USP44: variants seen among roughly 807,000 people sequenced by gnomAD.
The protein encoded by USP44 is ubiquitin carboxyl-terminal hydrolase 44.
USP44 carries 61 observed loss-of-function variants against 69.0 expected under a neutral mutation model. That is an observed-to-expected ratio of 0.88 (90% CI 0.72 to 1.09). The LOEUF is 1.09. Among genes scored for constraint, USP44 ranks in the 50% least tolerant of loss-of-function variants. The pLI is 0.00. For synonymous variants in USP44, 297 were observed against 295.4 expected, an observed-to-expected ratio of 1.01 and a Z score of -0.06; for missense variants, 753 against 849.9, an observed-to-expected ratio of 0.89 and a Z score of 1.42.
intron 1 of USP44, among the ~76,000 whole-genome samples, chr12:95,541,546 C>G (rs2077390582): frequency 6.6e-6 from 1 of 152,066 alleles, no homozygotes; most frequent in African/African-American, 2.4e-5. Flanking sequence ...TGCCACTGTA[C>G]TGCAGCCTCA....
At position 95,534,388 on chromosome 12, in the gene USP44, A is replaced by C; in HGVS notation, c.-70-62T>G. 8 of 878,892 alleles carry C rather than the reference A, an allele frequency of 9.1e-6. No individual in the cohort carries two copies. The South Asian group carries it at 1.3e-4, about 15-fold the overall frequency. The allele number at this position is 878,892 out of a possible 1,614,324, so 54.4% of individuals were successfully genotyped here. ...CTAATATTTTTCATATTTTTTCCCA[A>C]GAATAATAAAGATTTGTGTCCTCTG... is the stretch of plus-strand genomic sequence containing the variant. On this transcript the variant is annotated intron_variant, in intron 1 of 5. Transcript: ENST00000258499.
At chr12:95,543,406 C>CAAAAAAAAAAAAAAAAAAAAAAAAAA (rs60127958) in intron 1 of USP44, among the ~76,000 whole-genome samples, 1 of 43,164 alleles carries the variant, frequency 2.3e-5, no homozygotes, top group East Asian at 6.5e-4. Flanking sequence ...GACTCTTTCT[C>CAAAAAAAAAAAAAAAAAAAAAAAAAA]AAAAAAAAAA....
At chr12:95,519,538 C>T (rs1245399618) in intron 5 of USP44, among the ~76,000 whole-genome samples, 1 of 144,520 alleles carries the variant, frequency 6.9e-6, no homozygotes, top group African/African-American at 2.5e-5. Flanking sequence ...CTCCCGGGTT[C>T]ACGCCATTCT....
At chr12:95,542,522 T>C (rs2077422360) in intron 1 of USP44, among the ~76,000 whole-genome samples, 2 of 152,094 alleles carry the variant, frequency 1.3e-5, no homozygotes, top group African/African-American at 4.8e-5. Flanking sequence ...TCCCAGCACT[T>C]TGGGAGGCCA....
chr12:95,516,783 T>TAGAG lies in USP44; in HGVS notation c.*1367_*1370dup, dbSNP rs889393631. On this transcript the variant is annotated 3_prime_UTR_variant, in exon 6 of 6. Coordinates refer to ENST00000258499, the MANE Select transcript of USP44 (RefSeq NM_032147.5). The stretch of plus-strand genomic sequence containing the variant: ...GTGAAATTTAAGAAAAATTTATTGG[T>TAGAG]AGAGACCTCTTTCAAGTTTGTACTT... The TAGAG allele has an allele frequency of 2.0e-5, 3 of 152,168 alleles. No homozygotes were observed. Among genetic ancestry groups the TAGAG allele is most frequent in the Non-Finnish European group, 2.9e-5 (2 of 68,026 alleles). 9.4% of individuals were successfully genotyped at this position (152,168 alleles called of 1,614,324 possible).
intron 5 of USP44, 25 bp from the exon 6 acceptor site, chr12:95,518,378 T>G: frequency 6.2e-7 from 1 of 1,606,694 alleles, no homozygotes; most frequent in Non-Finnish European, 8.5e-7. Flanking sequence ...AGAAATACAT[T>G]TATGAAGGGA....
chr12:95,536,035 T>C (rs1447482005), intron 1 of USP44, among the ~76,000 whole-genome samples: 8,652 of 144,312 alleles, frequency 0.06, 338 homozygotes, highest in Non-Finnish European at 0.096. Flanking sequence ...TTTCCTTTTT[T>C]TTCCTTTTTT....
At chr12:95,527,681 C>T (rs1035948740) in intron 3 of USP44, among the ~76,000 whole-genome samples, 3 of 151,832 alleles carry the variant, frequency 2.0e-5, no homozygotes, top group Middle Eastern at 3.4e-3. Flanking sequence ...GATGGGGTTT[C>T]GCCATGTTGG....
intron 4 of USP44, among the ~76,000 whole-genome samples, chr12:95,523,746 A>C (rs2076742583): frequency 6.6e-6 from 1 of 152,014 alleles, no homozygotes; most frequent in Admixed American, 6.6e-5. Context: ...AGGTAACACT[A>C]TACTCAAAAT....
chr12:95,531,620 A>G (rs1181548447), intron 2 of USP44, among the ~76,000 whole-genome samples: 1 of 152,224 alleles, frequency 6.6e-6, no homozygotes, highest in Non-Finnish European at 1.5e-5. Context: ...TTGACACAAA[A>G]TCTTTGCATT....
At chr12:95,527,877 T>C (rs1355301595) in intron 3 of USP44, among the ~76,000 whole-genome samples, 1 of 144,306 alleles carries the variant, frequency 6.9e-6, no homozygotes, top group Non-Finnish European at 1.5e-5. Context: ...GTTTCACTCT[T>C]GCTCAGGCTG....
chr12:95,527,604 C>A (rs970154374), intron 3 of USP44, among the ~76,000 whole-genome samples: 2 of 151,802 alleles, frequency 1.3e-5, no homozygotes, highest in Non-Finnish European at 2.9e-5. Flanking sequence ...CCTGCCTCAG[C>A]CTCCCAAGTA....
chr12:95,550,030 T>C (rs1375082821), intron 1 of USP44, among the ~76,000 whole-genome samples: 3 of 151,838 alleles, frequency 2.0e-5, no homozygotes, highest in African/African-American at 7.3e-5. Flanking sequence ...AATACAAAAA[T>C]TATCCGGGCC....
chr12:95,548,872 CG>C lies in USP44; in HGVS notation c.-71+2399del, dbSNP rs1200545078. 2 of 152,042 alleles carry C rather than the reference CG, an allele frequency of 1.3e-5. No individual in the cohort carries two copies. The highest frequency in any genetic ancestry group is 4.8e-5 in the African/African-American group (2 of 41,410). The allele number at this position is 152,042 out of a possible 1,614,324, so 9.4% of individuals were successfully genotyped here. ...TGCGGCGGCTACGACAGCCGTGACG[CG>C]CAGCAGGCCCCGCCCCCTCCCACAG... On this transcript the variant is annotated intron_variant, in intron 1 of 5. Transcript: ENST00000258499. This position sits in a 1 kb window ranked among gnomAD's most constrained non-coding sequence, Gnocchi z 4.1.
rs544418185 is a variant in USP44, at chr12:95,526,388, C to T, written c.1625-1600G>A. 2.6e-3 allele frequency among the ~76,000 whole-genome samples: 403 copies of T among 152,158 alleles called. 4 individuals carry two copies. The highest frequency in any genetic ancestry group is 9.3e-3 in the African/African-American group (386 of 41,526). On this transcript the variant is annotated intron_variant, in intron 3 of 5. Coordinates refer to ENST00000258499, the MANE Select transcript of USP44 (RefSeq NM_032147.5). ...GAGATCGAGACCATCCTGGCTAACA[C>T]GGTGAAACCCTGTCTCTACTAAAAA...
chr12:95,521,935 T>G lies in USP44; in HGVS notation c.1734-733A>C, dbSNP rs116816697. 1,003 of 660,204 alleles carry G rather than the reference T, an allele frequency of 1.5e-3. 9 individuals carry two copies. The African/African-American group carries it at 0.019, about 12-fold the overall frequency. The allele number at this position is 660,204 out of a possible 1,614,324, so 40.9% of individuals were successfully genotyped here. ...TTTCCTCAGAACACTTCAGAGATTTTCAGACTAAAACAACAGGAACTGTGT... is the reference window on the plus strand; with the variant it reads ...TTTCCTCAGAACACTTCAGAGATTTGCAGACTAAAACAACAGGAACTGTGT... On this transcript the variant is annotated intron_variant, in intron 4 of 5. Coordinates refer to ENST00000258499, the MANE Select transcript of USP44 (RefSeq NM_032147.5).
rs1408167636 is a variant in USP44 at position 95,516,854 on chromosome 12, T to G, written c.*1300A>C. The G allele has an allele frequency of 2.0e-5, 3 of 152,182 alleles. No individual in the cohort carries two copies. Among genetic ancestry groups the G allele is most frequent in the Middle Eastern group, 3.4e-3 (1 of 294 alleles). 9.4% of individuals were successfully genotyped at this position (152,182 alleles called of 1,614,324 possible). Reference sequence around the variant, plus strand: ...GAACAGCATTCTACAGGATACTATCTTTCACTAAGACTTCAACCTGCAAAT... The same window carrying G: ...GAACAGCATTCTACAGGATACTATCGTTCACTAAGACTTCAACCTGCAAAT... On this transcript the variant is annotated 3_prime_UTR_variant, in exon 6 of 6. Transcript: ENST00000258499.
intron 1 of USP44, among the ~76,000 whole-genome samples, chr12:95,541,397 C>G (rs2077384986): frequency 6.6e-6 from 1 of 152,034 alleles, no homozygotes; most frequent in African/African-American, 2.4e-5. Flanking sequence ...TCAAGAGCAG[C>G]CTGCGCAACA....
At chr12:95,522,967 G>A (rs926696319) in intron 4 of USP44, among the ~76,000 whole-genome samples, 2 of 152,076 alleles carry the variant, frequency 1.3e-5, no homozygotes, top group Non-Finnish European at 2.9e-5. Flanking sequence ...GCTGAATGAT[G>A]TAATCAGTCA....
Sources: allele counts gnomAD v4.1 joint callset (sites outside exome capture counted in the v4.1 genomes callset), GRCh38; gene constraint gnomAD v4.1.1; non-coding constraint Gnocchi (gnomAD v3.1); transcripts MANE v1.5; gene names NCBI Gene and HGNC (gene_info 2026-07-23, HGNC 2026-07-21).